The following TSHZ2 variants were observed in gnomAD, a reference collection of about 807,000 sequenced individuals.
The protein encoded by TSHZ2 is teashirt homolog 2.
TSHZ2 carries 21 observed loss-of-function variants against 74.4 expected under a neutral mutation model. The ratio of observed to expected loss-of-function variants is 0.28; its 90% CI spans 0.20 to 0.41. The LOEUF (loss-of-function observed/expected upper bound fraction) is 0.41. TSHZ2 is among the 10% of genes least tolerant of loss of function. TSHZ2 has a pLI of 1.00. For synonymous variants in TSHZ2, 540 were observed against 515.3 expected (o/e 1.05, Z -0.65); for missense variants, 1,244 against 1,293.5 (o/e 0.96, Z 0.59).
chr20:53,106,112 T>G (rs1211016208), intron 1 of TSHZ2, among the ~76,000 whole-genome samples: 1 of 152,158 alleles, frequency 6.6e-6, no homozygotes, highest in Non-Finnish European at 1.5e-5. Context: ...AAATCTTCTA[T>G]TGGCTATTCT....
At chr20:53,173,485 G>A (rs146505101) in intron 1 of TSHZ2, among the ~76,000 whole-genome samples, 1,838 of 152,286 alleles carry the variant, frequency 0.012, 43 homozygotes, top group African/African-American at 0.042. Context: ...GTGTGCACCT[G>A]TAATCCCAGC....
At chr20:53,086,640 G>T (rs545892321) in intron 1 of TSHZ2, among the ~76,000 whole-genome samples, 1 of 152,064 alleles carries the variant, frequency 6.6e-6, no homozygotes, top group Non-Finnish European at 1.5e-5. Flanking sequence ...TAGAAGTATG[G>T]ACAGCTCTGT....
chr20:53,440,719 C>T (rs532882805), intron 2 of TSHZ2, among the ~76,000 whole-genome samples: 1 of 152,144 alleles, frequency 6.6e-6, no homozygotes, highest in African/African-American at 2.4e-5. Flanking sequence ...CTGGTCCCAA[C>T]CTCAATTGAT....
At chr20:53,079,823 GT>G (rs11086412) in intron 1 of TSHZ2, among the ~76,000 whole-genome samples, 125,160 of 149,680 alleles carry the variant, frequency 0.84, 52,750 homozygotes, top group South Asian at 0.9. Flanking sequence ...TTCTTTTTCT[GT>G]TTTTTTTTTC....
Position 53,373,589 on chromosome 20 carries a change from G to A in TSHZ2, c.*9-113555G>A, listed in dbSNP as rs936021956. 4.6e-5 allele frequency among the ~76,000 whole-genome samples: 7 copies of A among 152,274 alleles called. No individual in the cohort carries two copies. In the South Asian group the frequency reaches 8.3e-4, roughly 18 times the overall value. On this transcript the variant is annotated intron_variant, in intron 2 of 2. Coordinates refer to ENST00000371497, the MANE Select transcript of TSHZ2 (RefSeq NM_173485.6). ...CAATGTTGTCAACCCAAAGAGAGAC[G>A]GTGATGACTTAAAGTTGGGTGGAAG... is the stretch of plus-strand genomic sequence containing the variant.
In TSHZ2 at chr20:53,492,821, A is replaced by C. The variant is rs528712236; in HGVS notation, c.*5686A>C. The C allele has an allele frequency of 1.3e-5, 2 of 152,312 alleles. No homozygotes were observed. Among genetic ancestry groups the C allele is most frequent in the African/African-American group, 4.8e-5 (2 of 41,552 alleles). The allele number at this position is 152,312 out of a possible 1,614,324, so 9.4% of individuals were successfully genotyped here. A position where few individuals can be genotyped will look rare whatever the true frequency, so the allele number is the denominator to read the frequency against. ...GGCAGGGGGGAAGTGGGTCAGAGCA[A>C]GGTTCAAGAATCACATTCATCCTTG... On this transcript the variant is annotated 3_prime_UTR_variant, in exon 3 of 3. Coordinates refer to ENST00000371497, the MANE Select transcript of TSHZ2 (RefSeq NM_173485.6).
At chr20:53,308,149 TAAAG>T (rs1202402814) in intron 2 of TSHZ2, among the ~76,000 whole-genome samples, 8 of 152,238 alleles carry the variant, frequency 5.3e-5, no homozygotes, top group Non-Finnish European at 5.9e-5. Context: ...TGGAGAAAAA[TAAAG>T]AAGAAATAGA....
At chr20:53,419,078 C>T (rs377657383) in intron 2 of TSHZ2, among the ~76,000 whole-genome samples, 19 of 152,188 alleles carry the variant, frequency 1.2e-4, no homozygotes, top group African/African-American at 4.3e-4. Flanking sequence ...CTAGATCCAT[C>T]GGGAAGTTGG....
intron 1 of TSHZ2, among the ~76,000 whole-genome samples, chr20:53,041,789 C>A (rs948310524): frequency 1.3e-5 from 2 of 152,198 alleles, no homozygotes; most frequent in Non-Finnish European, 2.9e-5. Flanking sequence ...ATCCATGCCA[C>A]GAGTCTCCTG....
intron 2 of TSHZ2, among the ~76,000 whole-genome samples, chr20:53,462,022 A>C (rs921101463): frequency 1.3e-5 from 2 of 152,190 alleles, no homozygotes; most frequent in East Asian, 1.9e-4. Context: ...ACTTGAGGTC[A>C]GGAGTTCGAG....
At chr20:53,114,886 G>A (rs917583126) in intron 1 of TSHZ2, among the ~76,000 whole-genome samples, 3 of 152,254 alleles carry the variant, frequency 2.0e-5, no homozygotes, top group Admixed American at 6.5e-5. Context: ...AAGAGTTACC[G>A]ATGTTTTAAA....
In TSHZ2 at chr20:53,050,146, TATATATACACATATATATGTAC is replaced by T. The variant is rs1408725250; in HGVS notation, c.40+76835_40+76856del. On this transcript the variant is annotated intron_variant, in intron 1 of 2. Transcript: ENST00000371497. ...ATATACACATATATATATGTGTATA[TATATATACACATATATATGTAC>T]ATATATACACATATATATGTATATA... Among the ~76,000 whole-genome samples, 123 of 96,918 alleles carry T rather than the reference TATATATACACATATATATGTAC, an allele frequency of 1.3e-3. 1 individual carries two copies. Among genetic ancestry groups the T allele is most frequent in the Admixed American group, 9.6e-4 (9 of 9,364 alleles). The allele number at this position is 96,918 out of a possible 152,430, so 63.6% of individuals were successfully genotyped here.
chr20:53,195,275 A>T (rs1012198548), intron 1 of TSHZ2, among the ~76,000 whole-genome samples: 2 of 152,094 alleles, frequency 1.3e-5, no homozygotes, highest in Admixed American at 1.3e-4. Flanking sequence ...AAATAAATAT[A>T]TATATATACA....
intron 1 of TSHZ2, among the ~76,000 whole-genome samples, chr20:53,163,457 T>TTTTA (rs61400951): frequency 5.8e-5 from 8 of 137,626 alleles, no homozygotes; most frequent in African/African-American, 2.6e-4. Flanking sequence ...TTTTATTTTA[T>TTTTA]TTTTTTTTAT....
At chr20:53,055,056 C>A (rs1281257606) in intron 1 of TSHZ2, among the ~76,000 whole-genome samples, 2 of 152,174 alleles carry the variant, frequency 1.3e-5, no homozygotes, top group Non-Finnish European at 2.9e-5. Context: ...CAACACTAAT[C>A]TGAAGGCTGA....
chr20:53,071,902 C>T (rs1224583449), intron 1 of TSHZ2, among the ~76,000 whole-genome samples: 1 of 152,190 alleles, frequency 6.6e-6, no homozygotes, highest in African/African-American at 2.4e-5. Flanking sequence ...AGGAATGATC[C>T]TGTACTGCCC....
intron 1 of TSHZ2, among the ~76,000 whole-genome samples, chr20:53,158,472 ATAG>A (rs1600716784): frequency 1.3e-5 from 2 of 150,750 alleles, no homozygotes; most frequent in Admixed American, 6.6e-5. Flanking sequence ...TGGTGGGCTG[ATAG>A]TGGTGGAGGT....
rs528612677 is a variant in TSHZ2, at chr20:53,068,873, G to GT, written c.40+95550dup. Among the ~76,000 whole-genome samples the GT allele has an allele frequency of 3.1e-3, 459 of 146,318 alleles. 1 individual carries two copies. Among genetic ancestry groups the GT allele is most frequent in the Middle Eastern group, 6.9e-3 (2 of 288 alleles). On this transcript the variant is annotated intron_variant, in intron 1 of 2. Transcript: ENST00000371497. Reference sequence around the variant, plus strand: ...AGGAATCTATTAGAGATTTTCTGTTGTTTTTTTTTTCCATAAAGAACTGAG... The same window carrying GT: ...AGGAATCTATTAGAGATTTTCTGTTGTTTTTTTTTTTCCATAAAGAACTGAG...
At chr20:53,015,536 G>A (rs576150229) in intron 1 of TSHZ2, among the ~76,000 whole-genome samples, 19 of 152,284 alleles carry the variant, frequency 1.2e-4, no homozygotes, top group African/African-American at 4.1e-4. Flanking sequence ...TGCACAATGA[G>A]GATGGGGCCT....
Sources: gnomAD v4.1 joint callset for allele counts (sites outside exome capture counted in the v4.1 genomes callset) on GRCh38, gnomAD v4.1.1 for gene constraint, MANE v1.5 for transcripts, NCBI Gene and HGNC (gene_info 2026-07-23, HGNC 2026-07-21) for gene names.